Variants in CUL2 observed in about 807,000 individuals in gnomAD.
The protein encoded by CUL2 is cullin-2.
Under a neutral mutation model 110.2 loss-of-function variants are expected in CUL2, and 22 were observed. The observed-to-expected ratio is 0.20, with a 90% CI of 0.14 to 0.28. The LOEUF (loss-of-function observed/expected upper bound fraction) is 0.28. Among genes scored for constraint, CUL2 ranks in the 10% least tolerant of loss-of-function variants. The pLI, the probability that CUL2 is intolerant of heterozygous loss-of-function variation, is 1.00. For synonymous variants in CUL2, 279 were observed against 293.2 expected (o/e 0.95, Z 0.49); for missense variants, 631 against 905.5 (o/e 0.70, Z 3.89).
intron 18 of CUL2, 56 bp downstream of exon 18, chr10:35,016,136 C>T (rs2085026075): frequency 1.4e-6 from 2 of 1,427,790 alleles, no homozygotes; most frequent in African/African-American, 1.4e-5. Context: ...GCAAACATCT[C>T]ATGAAAAAGC....
At chr10:35,035,333 A>G in intron 9 of CUL2, 37 bp from the exon 10 acceptor site, 1 of 1,607,282 alleles carries the variant, frequency 6.2e-7, no homozygotes. Context: ...TAACTCCCAA[A>G]TATTTTCATT....
chr10:35,065,375 C>A (rs1176323259), intron 2 of CUL2, among the ~76,000 whole-genome samples: 1 of 152,184 alleles, frequency 6.6e-6, no homozygotes, highest in Non-Finnish European at 1.5e-5. Context: ...AATCCCAGCA[C>A]TTTAGGAGGC....
chr10:35,089,841 G>A (rs1197879069), intron 1 of CUL2: 3 of 151,870 alleles, frequency 2.0e-5, no homozygotes, highest in South Asian at 4.1e-4. Context: ...CAAACACACA[G>A]AGTTGTGTAT....
chr10:35,076,694 TC>T (rs2086826644), intron 1 of CUL2, among the ~76,000 whole-genome samples: 1 of 152,190 alleles, frequency 6.6e-6, no homozygotes, highest in Admixed American at 6.5e-5. Flanking sequence ...GGTATTTTTT[TC>T]ATCTGTTTTA....
intron 1 of CUL2, among the ~76,000 whole-genome samples, chr10:35,082,460 G>C (rs80152043): frequency 6.6e-6 from 1 of 152,038 alleles, no homozygotes; most frequent in Non-Finnish European, 1.5e-5. Context: ...AAAAAGTTTT[G>C]GAAATGGTGG....
chr10:35,025,270 A>G, intron 16 of CUL2, 72 bp from the exon 17 acceptor site: 1 of 1,478,252 alleles, frequency 6.8e-7, no homozygotes. Context: ...ACACAATACT[A>G]CAAAAGCAAT....
chr10:35,089,529 A>G (rs940886879), intron 1 of CUL2, among the ~76,000 whole-genome samples: 3 of 152,228 alleles, frequency 2.0e-5, no homozygotes, highest in Non-Finnish European at 4.4e-5. Flanking sequence ...CTGGCCTTCA[A>G]CTGTTAATAT....
At chr10:35,014,360 T>C (rs2084975150) in intron 18 of CUL2, among the ~76,000 whole-genome samples, 1 of 152,230 alleles carries the variant, frequency 6.6e-6, no homozygotes, top group Non-Finnish European at 1.5e-5. Context: ...AAGTGGCCTT[T>C]GCTCAGGGGA....
At chr10:35,079,047 A>C (rs1317184057) in intron 1 of CUL2, among the ~76,000 whole-genome samples, 1 of 152,216 alleles carries the variant, frequency 6.6e-6, no homozygotes, top group African/African-American at 2.4e-5. Flanking sequence ...GCCTTATCCA[A>C]GGGGATACGT....
rs1237745855 is a variant in CUL2 at position 35,071,303 on chromosome 10, T to C, written c.15A>G (p.Pro5=). The C allele has an allele frequency of 1.2e-6, 2 of 1,613,462 alleles. No individual in the cohort carries two copies. The highest frequency in any genetic ancestry group is 3.3e-5 in the Admixed American group (2 of 60,020). ...ATGTTTCATCAAAATCTACTACTCT[T>C]GGTTTCAAAGACATTGTGCAAGTGT... MSLK[P]RVVDFDETWN... The change falls in exon 2 of 21, where the codon CCA becomes CCG. Residue 5 remains proline (P), a synonymous_variant. Coordinates refer to ENST00000374749, the MANE Select transcript of CUL2 (RefSeq NM_003591.4).
Position 35,072,847 on chromosome 10 carries a change from T to C in CUL2, c.-22-1508A>G, listed in dbSNP as rs946757367. Among the ~76,000 whole-genome samples, 3 of 152,306 alleles carry C rather than the reference T, an allele frequency of 2.0e-5. No homozygotes were observed. The South Asian group carries it at 6.2e-4, about 32-fold the overall frequency. ...TTAACAGCCTCCCTCATGTCTCCCC[T>C]TATTAGCAGGACTGTAAGACACCAA... On this transcript the variant is annotated intron_variant, in intron 1 of 20. Transcript: ENST00000374749.
chr10:35,117,865 CTG>C (rs773016037), intron 1 of CUL2, among the ~76,000 whole-genome samples: 5 of 152,272 alleles, frequency 3.3e-5, no homozygotes, highest in African/African-American at 9.6e-5. Context: ...CTTTAAAAAA[CTG>C]TCTTTGTTTT....
At chr10:35,050,700 AT>A (rs1232221908) in intron 5 of CUL2, among the ~76,000 whole-genome samples, 1 of 152,192 alleles carries the variant, frequency 6.6e-6, no homozygotes, top group Non-Finnish European at 1.5e-5. Context: ...TTGCATAAAT[AT>A]GCCATGATTT....
intron 4 of CUL2, among the ~76,000 whole-genome samples, chr10:35,059,687 A>T (rs890783833): frequency 4.6e-5 from 7 of 152,196 alleles, no homozygotes; most frequent in Non-Finnish European, 8.8e-5. Context: ...TGAGAATAGA[A>T]TCTACTTAAG....
intron 11 of CUL2, 102 bp downstream of exon 11, chr10:35,033,064 T>C (rs1053012224): frequency 1.9e-5 from 10 of 520,914 alleles, no homozygotes; most frequent in East Asian, 3.3e-5. Flanking sequence ...TTAATCTCCA[T>C]GTCTACATCA....
At chr10:35,075,685 C>A (rs946077289) in intron 1 of CUL2, among the ~76,000 whole-genome samples, 1 of 148,230 alleles carries the variant, frequency 6.7e-6, no homozygotes, top group Non-Finnish European at 1.5e-5. Flanking sequence ...CACACACACG[C>A]ACGCTCCACA....
intron 1 of CUL2, among the ~76,000 whole-genome samples, chr10:35,081,622 A>AGT (rs915154109): frequency 3.3e-5 from 5 of 152,158 alleles, no homozygotes; most frequent in Admixed American, 2.6e-4. Context: ...GGCTGTGTGC[A>AGT]GTGGCCCATA....
At chr10:35,071,389 GTTT>G (rs753007772) in intron 1 of CUL2, 50 bp from the exon 2 acceptor site, 3 of 1,505,110 alleles carry the variant, frequency 2.0e-6, no homozygotes, top group Admixed American at 1.8e-5. Context: ...CATGAGCTTA[GTTT>G]TTTTGTTGTT....
chr10:35,011,014 G>A (rs1456795568), intron 20 of CUL2, among the ~76,000 whole-genome samples: 2 of 152,034 alleles, frequency 1.3e-5, no homozygotes, highest in South Asian at 4.1e-4. Flanking sequence ...CTGGACAGAA[G>A]ACTCAATGAA....
Sources: allele counts gnomAD v4.1 joint callset (sites outside exome capture counted in the v4.1 genomes callset), GRCh38; gene constraint gnomAD v4.1.1; transcripts MANE v1.5; gene names NCBI Gene and HGNC (gene_info 2026-07-23, HGNC 2026-07-21).